The following DLC1 variants were observed in gnomAD, a reference collection of about 807,000 sequenced individuals.
DLC1 encodes the protein DLC1 Rho GTPase activating protein.
A neutral mutation model predicts 140.3 loss-of-function variants in DLC1; 54 were observed. That is an observed-to-expected ratio of 0.38 (90% CI 0.31 to 0.48). DLC1 has a LOEUF of 0.48. Ranked by LOEUF, DLC1 falls within the 20% of genes least tolerant of loss-of-function variation. The probability of loss-of-function intolerance (pLI) is 0.96; values close to 1 mark genes in which losing one functional copy is unlikely to be tolerated. For missense variants in DLC1, 2,536 were observed against 1,907.0 expected, an observed-to-expected ratio of 1.33 and a Z score of -6.14; for synonymous variants, 986 against 728.1, an observed-to-expected ratio of 1.35 and a Z score of -5.70.
chr8:13,194,512 T>C (rs1826938973), intron 5 of DLC1, among the ~76,000 whole-genome samples: 1 of 152,230 alleles, frequency 6.6e-6, no homozygotes, highest in Non-Finnish European at 1.5e-5. Context: ...GAATTGGATA[T>C]ACTCCAAAAA....
intron 8 of DLC1, 102 bp from the exon 9 acceptor site, chr8:13,100,872 T>TC: frequency 8.0e-7 from 1 of 1,252,528 alleles, no homozygotes. Context: ...AGTATCAATT[T>TC]CCCCCTTGTA....
At chr8:13,299,323 C>A (rs1832089437) in intron 5 of DLC1, among the ~76,000 whole-genome samples, 1 of 151,574 alleles carries the variant, frequency 6.6e-6, no homozygotes, top group South Asian at 2.1e-4. Flanking sequence ...TGGTGGGTGC[C>A]TGTAATCCCA....
At chr8:13,492,686 A>G (rs1801313823) in intron 2 of DLC1, among the ~76,000 whole-genome samples, 1 of 152,152 alleles carries the variant, frequency 6.6e-6, no homozygotes, top group Admixed American at 6.6e-5. Flanking sequence ...GACCAAGCAC[A>G]TAGGATAGCA....
rs372017751 is a variant in DLC1, at chr8:13,499,137, G to T, written c.935C>A (p.Ala312Glu). The T allele has an allele frequency of 1.4e-4, 219 of 1,614,166 alleles. 1 individual carries two copies. In the South Asian group the frequency reaches 1.8e-3, roughly 13 times the overall value. ...HQNKSPPKVKAEDGMQCLQLK... is the reference protein window; with the variant it reads ...HQNKSPPKVKEEDGMQCLQLK... ...TTGTAAACACTGCATGCCATCTTCT[G>T]CCTTGACCTTTGGTGGACTTTTGTT... is the stretch of plus-strand genomic sequence containing the variant. The change falls in exon 2 of 18, where the codon GCA (alanine) becomes GAA (glutamate). Residue 312 changes from alanine to glutamate, a missense_variant. Ala to Glu is a moderately radical substitution (Grantham distance 107). Coordinates refer to ENST00000276297, the MANE Select transcript of DLC1 (RefSeq NM_182643.3).
At chr8:13,438,916 C>T (rs1839239772) in intron 2 of DLC1, among the ~76,000 whole-genome samples, 1 of 152,168 alleles carries the variant, frequency 6.6e-6, no homozygotes, top group Non-Finnish European at 1.5e-5. Flanking sequence ...TTTTAGCCTT[C>T]GTGTGCCATA....
At chr8:13,133,222 A>C (rs1179014141) in intron 5 of DLC1, 1 of 1,416,094 alleles carries the variant, frequency 7.1e-7, no homozygotes, top group African/African-American at 1.5e-5. Context: ...GGCGCTCCTG[A>C]TGCGGAGAGG....
At chr8:13,270,506 G>A (rs1586044829) in intron 5 of DLC1, among the ~76,000 whole-genome samples, 1 of 152,242 alleles carries the variant, frequency 6.6e-6, no homozygotes, top group East Asian at 1.9e-4. Context: ...AATTTTCAAA[G>A]CAGGTCCCAA....
chr8:13,428,960 G>A (rs532174967), intron 2 of DLC1, among the ~76,000 whole-genome samples: 1 of 152,290 alleles, frequency 6.6e-6, no homozygotes, highest in Non-Finnish European at 1.5e-5. Flanking sequence ...GCCTAAATAA[G>A]TTCCGTAGAA....
intron 3 of DLC1, 140 bp from the exon 4 acceptor site, chr8:13,393,833 A>G: frequency 3.1e-6 from 3 of 954,022 alleles, no homozygotes; most frequent in Non-Finnish European, 4.7e-6. Context: ...ACTGACAGTG[A>G]CGTGTCACAC....
At chr8:13,355,939 A>T (rs922233181) in intron 4 of DLC1, among the ~76,000 whole-genome samples, 1 of 151,486 alleles carries the variant, frequency 6.6e-6, no homozygotes, top group African/African-American at 2.4e-5. Flanking sequence ...AATTCAAAAA[A>T]ATTAGCCAGG....
intron 2 of DLC1, among the ~76,000 whole-genome samples, chr8:13,421,571 T>G (rs1167124495): frequency 6.6e-6 from 1 of 152,144 alleles, no homozygotes; most frequent in Non-Finnish European, 1.5e-5. Flanking sequence ...GGTGCACTGA[T>G]TAGAAAATGT....
At chr8:13,547,673 A>G (rs764085462) in intron 1 of DLC1, among the ~76,000 whole-genome samples, 34 of 152,162 alleles carry the variant, frequency 2.2e-4, no homozygotes, top group Middle Eastern at 3.4e-3. Flanking sequence ...AAAATACAAC[A>G]TCATTTTATC....
chr8:13,211,872 C>T lies in DLC1; in HGVS notation c.1348+93397G>A, dbSNP rs186328761. Among the ~76,000 whole-genome samples, 9 of 152,240 alleles carry T rather than the reference C, an allele frequency of 5.9e-5. No individual in the cohort carries two copies. In the East Asian group the frequency reaches 1.7e-3, roughly 29 times the overall value. On this transcript the variant is annotated intron_variant, in intron 5 of 17. Coordinates refer to ENST00000276297, the MANE Select transcript of DLC1 (RefSeq NM_182643.3). ...GCTTTTTTGGAAACATACATGAAATCCTGGCAGGTAAAATAACTGTGTATT... is the reference window on the plus strand; with the variant it reads ...GCTTTTTTGGAAACATACATGAAATTCTGGCAGGTAAAATAACTGTGTATT...
At position 13,197,387 on chromosome 8, in the gene DLC1, C is replaced by T. The variant is rs142535876; in HGVS notation, c.1349-81730G>A. Among the ~76,000 whole-genome samples, 316 of 151,692 alleles carry T rather than the reference C, an allele frequency of 2.1e-3. 3 individuals are homozygous for T. The highest frequency in any genetic ancestry group is 7.9e-3 in the Admixed American group (120 of 15,222). ...TTTTGAGATGGGAGTCTTGCTCTGT[C>T]GCCCAGGCTGGAGTGCAGTGGCGTG... On this transcript the variant is annotated intron_variant, in intron 5 of 17. Coordinates refer to ENST00000276297, the MANE Select transcript of DLC1 (RefSeq NM_182643.3).
At chr8:13,291,117 C>T (rs1476546887) in intron 5 of DLC1, among the ~76,000 whole-genome samples, 1 of 152,134 alleles carries the variant, frequency 6.6e-6, no homozygotes, top group Non-Finnish European at 1.5e-5. Flanking sequence ...CCATGTGGGC[C>T]AGGCTGGTCT....
intron 2 of DLC1, among the ~76,000 whole-genome samples, chr8:13,431,511 A>AAAAAAAAAAAAAG (rs1838868253): frequency 2.3e-5 from 3 of 132,166 alleles, no homozygotes; most frequent in South Asian, 2.6e-4. Flanking sequence ...AAAAAAAAAA[A>AAAAAAAAAAAAAG]AAAAGAAAAG....
At chr8:13,324,572 C>CA (rs5889431) in intron 4 of DLC1, among the ~76,000 whole-genome samples, 4,630 of 110,198 alleles carry the variant, frequency 0.042, 306 homozygotes, top group African/African-American at 0.11. Flanking sequence ...GACTCCGTCT[C>CA]AAAAAAAAAA....
Position 13,435,169 on chromosome 8 carries a change from A to G in DLC1, c.1024-33550T>C, listed in dbSNP as rs578230062. Among the ~76,000 whole-genome samples, 11 of 152,142 alleles carry G rather than the reference A, an allele frequency of 7.2e-5. No individual in the cohort carries two copies. The South Asian group carries it at 1.9e-3, about 26-fold the overall frequency. ...TCAACATGAACAGGCATTTGGGAGA[A>G]TTTGATTCCAATCCTCATGGATGAC... is the stretch of plus-strand genomic sequence containing the variant. On this transcript the variant is annotated intron_variant, in intron 2 of 17. Transcript: ENST00000276297.
rs1043821028 is a variant in DLC1 at position 13,090,363 on chromosome 8, G to A, written c.3963C>T (p.Tyr1321=). ...GHLGNDDSAD[Y]QHFLQDCVDG... ...CCACACAGTCCTGGAGGAAGTGTTG[G>A]TAGTCAGCTGAGTCATCATTACCCA... is the stretch of plus-strand genomic sequence containing the variant. The change falls in exon 15 of 18, where the codon TAC becomes TAT. Residue 1321 remains tyrosine (Y), a synonymous_variant. Coordinates refer to ENST00000276297, the MANE Select transcript of DLC1 (RefSeq NM_182643.3). The A allele has an allele frequency of 1.9e-6, 3 of 1,614,060 alleles. No individual in the cohort carries two copies. Among genetic ancestry groups the A allele is most frequent in the Non-Finnish European group, 2.5e-6 (3 of 1,180,048 alleles).
Sources: allele counts gnomAD v4.1 joint callset (sites outside exome capture counted in the v4.1 genomes callset), GRCh38; gene constraint gnomAD v4.1.1; transcripts MANE v1.5; gene names NCBI Gene and HGNC (gene_info 2026-07-23, HGNC 2026-07-21).